Variants in ACTL6A observed in about 807,000 individuals in gnomAD.
The protein encoded by ACTL6A is actin-like protein 6A.
Under a neutral mutation model 59.2 loss-of-function variants are expected in ACTL6A, and 5 were observed. The observed-to-expected ratio is 0.08, with a 90% CI of 0.04 to 0.18. The LOEUF (loss-of-function observed/expected upper bound fraction) is 0.18. ACTL6A is among the 10% of genes least tolerant of loss of function. The pLI is 1.00. For synonymous variants in ACTL6A, 154 were observed against 171.8 expected (o/e 0.90, Z 0.81); for missense variants, 285 against 526.9 (o/e 0.54, Z 4.49).
intron 12 of ACTL6A, 163 bp downstream of exon 12, chr3:179,583,611 G>T: frequency 2.0e-6 from 1 of 510,094 alleles, no homozygotes; most frequent in South Asian, 2.7e-5. Context: ...TTTCCTAGTT[G>T]ACATCTATTA....
At chr3:179,582,300 A>ACTAATGAGATACTTTTGCATTCCATTTTC (rs1718362634) in intron 11 of ACTL6A, among the ~76,000 whole-genome samples, 1 of 152,244 alleles carries the variant, frequency 6.6e-6, no homozygotes, top group Non-Finnish European at 1.5e-5. Flanking sequence ...TTCTACTTCA[A>ACTAATGAGATACTTTTGCATTCCATTTTC]AATTTAGATG....
intron 12 of ACTL6A, among the ~76,000 whole-genome samples, chr3:179,584,966 CTAT>C (rs1450790033): frequency 1.3e-5 from 2 of 152,118 alleles, no homozygotes; most frequent in Non-Finnish European, 2.9e-5. Context: ...TGCCACATTT[CTAT>C]TATTAAAAGT....
intron 6 of ACTL6A, 145 bp from the exon 7 acceptor site, chr3:179,576,475 G>A: frequency 1.3e-6 from 1 of 794,414 alleles, no homozygotes; most frequent in Non-Finnish European, 2.0e-6. Flanking sequence ...ATTTAAAACT[G>A]ATGCATGGCT....
intron 13 of ACTL6A, among the ~76,000 whole-genome samples, chr3:179,587,634 G>A (rs1718545255): frequency 6.6e-6 from 1 of 152,048 alleles, no homozygotes; most frequent in South Asian, 2.1e-4. Context: ...AGCACTTTGG[G>A]AGGCTGAGGC....
Position 179,570,063 on chromosome 3 carries a change from A to G in ACTL6A, c.103-4A>G. On this transcript the variant is annotated splice_region_variant and splice_polypyrimidine_tract_variant and intron_variant, in intron 2 of 13. Transcript: ENST00000429709. The surrounding 1 kb of genome is among the most constrained non-coding windows in gnomAD (Gnocchi z 4.3). ...CTTGTATGTCATGTTTCTGACTCTTACAGGTGGATTTTCCTACAGCTATTG... is the reference window on the plus strand; with the variant it reads ...CTTGTATGTCATGTTTCTGACTCTTGCAGGTGGATTTTCCTACAGCTATTG... The G allele has an allele frequency of 6.2e-7, 1 of 1,612,768 alleles. No individual in the cohort carries two copies. The highest frequency in any genetic ancestry group is 8.5e-7 in the Non-Finnish European group (1 of 1,179,490).
At chr3:179,576,576 T>C in intron 6 of ACTL6A, 44 bp from the exon 7 acceptor site, 1 of 1,482,792 alleles carries the variant, frequency 6.7e-7, no homozygotes, top group Non-Finnish European at 9.4e-7. Context: ...TTCAAGGAAG[T>C]TTGGACTTAC....
intron 1 of ACTL6A, among the ~76,000 whole-genome samples, chr3:179,566,986 C>A (rs576095359): frequency 6.6e-6 from 1 of 152,210 alleles, no homozygotes; most frequent in South Asian, 2.1e-4. Flanking sequence ...ACCGCGCGCC[C>A]TGCCTGAATT....
intron 11 of ACTL6A, 67 bp from the exon 12 acceptor site, chr3:179,583,286 T>G: frequency 1.6e-6 from 2 of 1,231,972 alleles, no homozygotes; most frequent in Non-Finnish European, 2.4e-6. Context: ...TGGTTATATT[T>G]GTAGTTGTAT....
At position 179,576,627 on chromosome 3, in the gene ACTL6A, G is replaced by C; in HGVS notation, c.579G>C (p.Val193=). 6.2e-7 allele frequency: 1 copy of C among 1,612,756 alleles called. No homozygotes were observed. Among genetic ancestry groups the C allele is most frequent in the Non-Finnish European group, 8.5e-7 (1 of 1,179,020 alleles). Residue 193 remains valine, a synonymous_variant, in exon 7 of 14, where the codon GTG becomes GTC. Transcript: ENST00000429709. ...HDGYVLQQGI[V]KSPLAGDFIT... ...GTTTCATCTGTTTCATAGGCATTGTGAAATCCCCTCTTGCTGGAGACTTTA... is the reference window on the plus strand; with the variant it reads ...GTTTCATCTGTTTCATAGGCATTGTCAAATCCCCTCTTGCTGGAGACTTTA...
chr3:179,571,046 G>A (rs180675687), intron 3 of ACTL6A, among the ~76,000 whole-genome samples: 2 of 152,268 alleles, frequency 1.3e-5, no homozygotes, highest in African/African-American at 2.4e-5. Context: ...TAGATTTTTG[G>A]TTGGGGTAAC....
At chr3:179,578,616 T>C (rs1236379597) in intron 8 of ACTL6A, among the ~76,000 whole-genome samples, 1 of 151,686 alleles carries the variant, frequency 6.6e-6, no homozygotes, top group African/African-American at 2.4e-5. Flanking sequence ...AGAACCCATC[T>C]CAAAAAAGAA....
At chr3:179,565,211 C>A (rs982864871) in intron 1 of ACTL6A, among the ~76,000 whole-genome samples, 1 of 151,496 alleles carries the variant, frequency 6.6e-6, no homozygotes, top group African/African-American at 2.4e-5. Flanking sequence ...CCGAGGCGGG[C>A]GGATCACTTG....
intron 3 of ACTL6A, among the ~76,000 whole-genome samples, chr3:179,573,014 G>T (rs1718059085): frequency 6.9e-6 from 1 of 143,974 alleles, no homozygotes; most frequent in Non-Finnish European, 1.5e-5. Flanking sequence ...TCCAGCAGTA[G>T]TATCATCAGA....
chr3:179,586,684 T>G (rs1166366965), intron 13 of ACTL6A, 52 bp downstream of exon 13: 4 of 1,388,918 alleles, frequency 2.9e-6, no homozygotes, highest in Non-Finnish European at 4.0e-6. Flanking sequence ...TATACTAAAT[T>G]TAGTAAAAAT....
chr3:179,575,799 A>G (rs976397627), intron 5 of ACTL6A, among the ~76,000 whole-genome samples: 6 of 152,218 alleles, frequency 3.9e-5, no homozygotes, highest in East Asian at 1.9e-4. Flanking sequence ...TTTCAATGCT[A>G]TGTGAGAATG....
At chr3:179,574,099 C>T (rs1718095060) in intron 4 of ACTL6A, among the ~76,000 whole-genome samples, 1 of 151,960 alleles carries the variant, frequency 6.6e-6, no homozygotes, top group Non-Finnish European at 1.5e-5. Context: ...ATCCTGGTTT[C>T]CTCATATGTG....
At position 179,569,906 on chromosome 3, in the gene ACTL6A, T is replaced by A; in HGVS notation, c.102+6T>A. 2 of 1,613,340 alleles carry A rather than the reference T, an allele frequency of 1.2e-6. No individual in the cohort carries two copies. Among genetic ancestry groups the A allele is most frequent in the Non-Finnish European group, 1.7e-6 (2 of 1,179,436 alleles). On this transcript the variant is annotated splice_donor_region_variant and intron_variant, in intron 2 of 13. Transcript: ENST00000429709. ...CTGGTGAGGACTGCCCCAAGGTAAGTGTAATGTTAGAGTTAATTGGATATG... is the reference window on the plus strand; with the variant it reads ...CTGGTGAGGACTGCCCCAAGGTAAGAGTAATGTTAGAGTTAATTGGATATG...
intron 1 of ACTL6A, among the ~76,000 whole-genome samples, chr3:179,568,829 T>C (rs914812692): frequency 6.6e-6 from 1 of 152,250 alleles, no homozygotes; most frequent in Non-Finnish European, 1.5e-5. Flanking sequence ...AGACTTCATA[T>C]ACATGAAAGC....
intron 12 of ACTL6A, among the ~76,000 whole-genome samples, chr3:179,585,314 C>G (rs182237788): frequency 9.9e-5 from 15 of 152,252 alleles, no homozygotes; most frequent in Non-Finnish European, 1.9e-4. Context: ...GCTGGTCAGG[C>G]TGATCTCAAA....
Sources: allele counts gnomAD v4.1 joint callset (sites outside exome capture counted in the v4.1 genomes callset), GRCh38; gene constraint gnomAD v4.1.1; non-coding constraint Gnocchi (gnomAD v3.1); transcripts MANE v1.5; gene names NCBI Gene and HGNC (gene_info 2026-07-23, HGNC 2026-07-21).